USH2A: variants seen among roughly 807,000 people sequenced by gnomAD.
The protein encoded by USH2A is Usher syndrome 2A (autosomal recessive, mild).
In USH2A, 443 loss-of-function variants were observed where a neutral mutation model predicts 538.9. That is an observed-to-expected ratio of 0.82 (90% confidence interval 0.76 to 0.89). USH2A has a LOEUF of 0.89. Ranked by LOEUF, USH2A falls within the 40% of genes least tolerant of loss-of-function variation. The pLI is 0.00. For synonymous variants in USH2A, 2,413 were observed against 2,273.5 expected, an observed-to-expected ratio of 1.06 and a Z score of -1.75; for missense variants, 6,633 against 6,324.8, an observed-to-expected ratio of 1.05 and a Z score of -1.65.
chr1:215,888,814 G>A lies in USH2A; in HGVS notation c.7835C>T (p.Pro2612Leu). The A allele has an allele frequency of 1.9e-6, 3 of 1,614,068 alleles. No individual in the cohort carries two copies. The highest frequency in any genetic ancestry group is 2.5e-6 in the Non-Finnish European group (3 of 1,180,004). ...ACTSKGCSLS[P>L]ESQTVWTLPG... ...GAGTGTCCATACAGTCTGGGACTCT[G>A]GTGAAAGGGAACATCCTTTTGAAGT... is the stretch of plus-strand genomic sequence containing the variant. The change falls in exon 41 of 72, where the codon CCA (proline) becomes CTA (leucine). Residue 2612 changes from proline (P) to leucine (L), a missense_variant. By Grantham distance (98) the Pro-to-Leu change is moderately conservative. Transcript: ENST00000307340.
intron 13 of USH2A, among the ~76,000 whole-genome samples, chr1:216,242,313 A>G (rs950761526): frequency 6.6e-6 from 1 of 150,864 alleles, no homozygotes; most frequent in African/African-American, 2.4e-5. Context: ...GCGCCACTGA[A>G]CTCTAGCCCT....
chr1:216,175,540 C>T (rs2034361248), intron 20 of USH2A, 58 bp from the exon 21 acceptor site: 1 of 1,431,156 alleles, frequency 7.0e-7, no homozygotes, highest in Non-Finnish European at 9.8e-7. Flanking sequence ...TCTAGACACA[C>T]ATATTCACAT....
chr1:216,337,858 T>C (rs1022005703), intron 4 of USH2A, among the ~76,000 whole-genome samples: 14 of 151,500 alleles, frequency 9.2e-5, no homozygotes, highest in Non-Finnish European at 1.9e-4. Context: ...ATAATATTTC[T>C]TTATATCAGC....
chr1:215,882,953 C>T (rs888900431), intron 41 of USH2A, among the ~76,000 whole-genome samples: 1 of 152,062 alleles, frequency 6.6e-6, no homozygotes, highest in African/African-American at 2.4e-5. Context: ...AAGGAAAATG[C>T]ATGTTTAATT....
intron 10 of USH2A, 124 bp from the exon 11 acceptor site, chr1:216,289,534 A>C (rs1571665559): frequency 3.2e-6 from 4 of 1,267,470 alleles, no homozygotes; most frequent in Admixed American, 1.9e-5. Context: ...GTTTTAATGC[A>C]CCTTTCATCT....
chr1:216,283,084 G>T (rs1046691136), intron 11 of USH2A, among the ~76,000 whole-genome samples: 11 of 152,052 alleles, frequency 7.2e-5, no homozygotes, highest in Middle Eastern at 3.4e-3. Flanking sequence ...AATTTATTAG[G>T]TTTTTTTCTG....
intron 21 of USH2A, among the ~76,000 whole-genome samples, chr1:216,107,209 T>C (rs1460020632): frequency 6.6e-6 from 1 of 151,868 alleles, no homozygotes; most frequent in Non-Finnish European, 1.5e-5. Context: ...ACTTCTTTTA[T>C]TAAGTACTAA....
chr1:215,941,604 C>G (rs1255302450), intron 37 of USH2A, among the ~76,000 whole-genome samples: 2 of 152,118 alleles, frequency 1.3e-5, no homozygotes, highest in African/African-American at 4.8e-5. Flanking sequence ...TATTTTATCA[C>G]CAAAACGTGT....
intron 65 of USH2A, among the ~76,000 whole-genome samples, chr1:215,648,976 C>T (rs1488070740): frequency 6.6e-6 from 1 of 152,022 alleles, no homozygotes; most frequent in Non-Finnish European, 1.5e-5. Flanking sequence ...GATAATGTAA[C>T]CGTTAAATAG....
chr1:216,005,142 G>A (rs547405768), intron 32 of USH2A, among the ~76,000 whole-genome samples: 5 of 152,148 alleles, frequency 3.3e-5, no homozygotes, highest in South Asian at 4.2e-4. Flanking sequence ...ACATTATTCT[G>A]TTCTTCTAAC....
At chr1:216,102,889 C>G (rs1339413981) in intron 21 of USH2A, among the ~76,000 whole-genome samples, 1 of 152,204 alleles carries the variant, frequency 6.6e-6, no homozygotes, top group African/African-American at 2.4e-5. Flanking sequence ...TCCAGCCCCA[C>G]CCAAATGCAT....
At chr1:216,097,285 C>T in intron 21 of USH2A, 72 bp from the exon 22 acceptor site, 1 of 1,611,042 alleles carries the variant, frequency 6.2e-7, no homozygotes. Flanking sequence ...TGTACATTTA[C>T]TTTCATTATT....
chr1:216,203,998 A>AT (rs1424188665), intron 16 of USH2A: 1 of 163,732 alleles, frequency 6.1e-6, no homozygotes, highest in African/African-American at 2.4e-5. Context: ...CAGCCCATTG[A>AT]TTTTTCTCTC....
chr1:215,939,638 G>A (rs1048197779), intron 37 of USH2A, among the ~76,000 whole-genome samples: 2 of 152,052 alleles, frequency 1.3e-5, no homozygotes, highest in South Asian at 2.1e-4. Context: ...TCAGGGATGC[G>A]TAAATGATTG....
chr1:216,008,508 C>T (rs1668462105), intron 32 of USH2A, among the ~76,000 whole-genome samples: 1 of 152,174 alleles, frequency 6.6e-6, no homozygotes. Context: ...AGCCATGTTG[C>T]TCACACAAAG....
chr1:215,740,894 A>G (rs1422977352), intron 60 of USH2A, among the ~76,000 whole-genome samples: 1 of 152,144 alleles, frequency 6.6e-6, no homozygotes, highest in African/African-American at 2.4e-5. Context: ...CGCAGTTCAC[A>G]ATAGGGTTTG....
At chr1:215,815,611 A>T (rs1391404358) in intron 48 of USH2A, among the ~76,000 whole-genome samples, 1 of 152,096 alleles carries the variant, frequency 6.6e-6, no homozygotes, top group Non-Finnish European at 1.5e-5. Flanking sequence ...GTAATTTTAT[A>T]AATAATTTAG....
intron 38 of USH2A, 135 bp downstream of exon 38, chr1:215,934,481 T>G (rs1330186865): frequency 1.1e-6 from 1 of 932,200 alleles, no homozygotes; most frequent in East Asian, 2.7e-5. Flanking sequence ...CAACAACTAT[T>G]AAAAGAACCA....
At chr1:216,288,138 C>T (rs2036922114) in intron 11 of USH2A, among the ~76,000 whole-genome samples, 1 of 151,848 alleles carries the variant, frequency 6.6e-6, no homozygotes, top group African/African-American at 2.4e-5. Flanking sequence ...GAATGATAAG[C>T]AAAAGATAGC....
Sources: gnomAD v4.1 joint callset for allele counts (sites outside exome capture counted in the v4.1 genomes callset) on GRCh38, gnomAD v4.1.1 for gene constraint, MANE v1.5 for transcripts, NCBI Gene and HGNC (gene_info 2026-07-23, HGNC 2026-07-21) for gene names.